The following ARHGAP10 variants were observed in gnomAD, a reference collection of about 807,000 sequenced individuals.
ARHGAP10 encodes the protein rho GTPase-activating protein 10.
In ARHGAP10, 87 loss-of-function variants were observed where a neutral mutation model predicts 108.6. The observed-to-expected ratio is 0.80, with a 90% CI of 0.67 to 0.96. The LOEUF (loss-of-function observed/expected upper bound fraction) is 0.96. Ranked by LOEUF, ARHGAP10 falls within the 40% of genes least tolerant of loss-of-function variation. ARHGAP10 has a pLI of 0.00. For missense variants in ARHGAP10, 939 were observed against 954.5 expected (o/e 0.98, Z 0.21); for synonymous variants, 347 against 341.1 (o/e 1.02, Z -0.19).
At chr4:147,882,065 G>A in intron 10 of ARHGAP10, 133 bp downstream of exon 10, 1 of 809,736 alleles carries the variant, frequency 1.2e-6, no homozygotes, top group South Asian at 1.7e-5. Flanking sequence ...CAGGCTGTGT[G>A]TTCATTATAA....
intron 1 of ARHGAP10, among the ~76,000 whole-genome samples, chr4:147,768,284 A>G (rs1579020211): frequency 1.3e-5 from 2 of 152,328 alleles, no homozygotes; most frequent in East Asian, 3.9e-4. Context: ...GTCAGGCTGA[A>G]TGAATCATGG....
At chr4:147,950,629 G>A (rs899766802) in intron 15 of ARHGAP10, among the ~76,000 whole-genome samples, 3 of 152,186 alleles carry the variant, frequency 2.0e-5, no homozygotes, top group African/African-American at 7.2e-5. Context: ...AGGTCCTCCA[G>A]GGTCTTGGAG....
At chr4:147,827,383 T>G (rs1031212660) in intron 3 of ARHGAP10, among the ~76,000 whole-genome samples, 1 of 152,186 alleles carries the variant, frequency 6.6e-6, no homozygotes, top group Non-Finnish European at 1.5e-5. Context: ...ACTAAGTGCT[T>G]CAGACAAGGA....
intron 1 of ARHGAP10, chr4:147,782,536 C>T (rs928331745): frequency 6.6e-6 from 1 of 152,106 alleles, no homozygotes; most frequent in Admixed American, 6.6e-5. Flanking sequence ...CTGTGTACAT[C>T]GCTGGGTCAA....
intron 10 of ARHGAP10, among the ~76,000 whole-genome samples, chr4:147,895,603 T>G (rs1446785972): frequency 6.6e-6 from 1 of 151,674 alleles, no homozygotes; most frequent in African/African-American, 2.4e-5. Context: ...GAAGACAGTT[T>G]GAGCCCAGGA....
intron 3 of ARHGAP10, among the ~76,000 whole-genome samples, chr4:147,845,810 T>G (rs1198821628): frequency 6.6e-6 from 1 of 152,202 alleles, no homozygotes; most frequent in Non-Finnish European, 1.5e-5. Context: ...TCATGCACTG[T>G]GAAAACGTAT....
chr4:147,925,457 A>G (rs1055717926), intron 13 of ARHGAP10, among the ~76,000 whole-genome samples: 2 of 152,334 alleles, frequency 1.3e-5, no homozygotes, highest in East Asian at 1.9e-4. Flanking sequence ...AAATTTTGCT[A>G]GTACTTAAAC....
At position 148,071,973 on chromosome 4, in the gene ARHGAP10, A is replaced by G. The variant is rs748588597; in HGVS notation, c.2273-20A>G. 6.2e-7 allele frequency: 1 copy of G among 1,608,432 alleles called. No homozygotes were observed. Among genetic ancestry groups the G allele is most frequent in the Non-Finnish European group, 8.5e-7 (1 of 1,177,262 alleles). ...TACTTGGGGGCATTTTGTAAAAGTG[A>G]TTTTTCTCTTCCTTTTCAGTACAAA... On this transcript the variant is annotated intron_variant, in intron 22 of 22. Coordinates refer to ENST00000336498, the MANE Select transcript of ARHGAP10 (RefSeq NM_024605.4).
chr4:147,904,630 G>A (rs373768423), intron 10 of ARHGAP10, among the ~76,000 whole-genome samples: 9 of 152,120 alleles, frequency 5.9e-5, no homozygotes, highest in South Asian at 2.1e-4. Context: ...CCAGTCTATC[G>A]TTGTTGGACA....
intron 1 of ARHGAP10, among the ~76,000 whole-genome samples, chr4:147,775,073 C>G (rs1406765702): frequency 3.9e-5 from 6 of 152,128 alleles, no homozygotes; most frequent in Non-Finnish European, 8.8e-5. Context: ...CGCCACCACG[C>G]CTGGCTAATT....
At chr4:147,744,823 T>C (rs2126683599) in intron 1 of ARHGAP10, among the ~76,000 whole-genome samples, 1 of 152,164 alleles carries the variant, frequency 6.6e-6, no homozygotes, top group Non-Finnish European at 1.5e-5. Context: ...TTTATGGGTG[T>C]GTATTTCAGG....
At chr4:147,882,882 A>G (rs1320902659) in intron 10 of ARHGAP10, among the ~76,000 whole-genome samples, 2 of 152,248 alleles carry the variant, frequency 1.3e-5, no homozygotes, top group African/African-American at 4.8e-5. Context: ...AATGGCTGAC[A>G]GTACAGTGAT....
At chr4:147,872,441 G>A (rs950330311) in intron 7 of ARHGAP10, among the ~76,000 whole-genome samples, 7 of 152,190 alleles carry the variant, frequency 4.6e-5, no homozygotes, top group Non-Finnish European at 8.8e-5. Flanking sequence ...CAAATATATA[G>A]GTAGATAAAG....
intron 12 of ARHGAP10, among the ~76,000 whole-genome samples, chr4:147,911,545 G>A (rs191004013): frequency 1.3e-3 from 199 of 152,314 alleles, no homozygotes; most frequent in African/African-American, 4.4e-3. Flanking sequence ...TGTATTTTTA[G>A]TAGAGACGGG....
intron 1 of ARHGAP10, among the ~76,000 whole-genome samples, chr4:147,811,334 A>G (rs1732009362): frequency 6.6e-6 from 1 of 152,214 alleles, no homozygotes; most frequent in Non-Finnish European, 1.5e-5. Context: ...AGTGTAGAAC[A>G]TGTGTGAACC....
chr4:147,921,398 G>A (rs908660316), intron 13 of ARHGAP10, among the ~76,000 whole-genome samples: 1 of 152,166 alleles, frequency 6.6e-6, no homozygotes, highest in Non-Finnish European at 1.5e-5. Context: ...GGGTCTCTCT[G>A]CTTTAGACGA....
intron 10 of ARHGAP10, among the ~76,000 whole-genome samples, chr4:147,898,965 T>A (rs55820558): frequency 1.3e-5 from 2 of 152,032 alleles, no homozygotes; most frequent in South Asian, 2.1e-4. Flanking sequence ...ACCAGATCCC[T>A]TTCTCGACAT....
chr4:147,966,617 A>T, intron 17 of ARHGAP10, 63 bp from the exon 18 acceptor site: 1 of 1,419,332 alleles, frequency 7.0e-7, no homozygotes, highest in East Asian at 2.4e-5. Context: ...GTTGCAGACT[A>T]TTTACAGTCC....
At chr4:147,874,964 C>T (rs894442989) in intron 7 of ARHGAP10, 57 bp from the exon 8 acceptor site, 4 of 1,435,962 alleles carry the variant, frequency 2.8e-6, no homozygotes, top group African/African-American at 2.9e-5. Context: ...TTAAAATGTT[C>T]ATGAGAAAAC....
Sources: allele counts gnomAD v4.1 joint callset (sites outside exome capture counted in the v4.1 genomes callset), GRCh38; gene constraint gnomAD v4.1.1; transcripts MANE v1.5; gene names NCBI Gene and HGNC (gene_info 2026-07-23, HGNC 2026-07-21).